Variants in DPY19L1 observed in about 807,000 individuals in gnomAD.
The protein encoded by DPY19L1 is protein C-mannosyl-transferase DPY19L1.
In DPY19L1, 35 loss-of-function variants were observed where a neutral mutation model predicts 96.9. The ratio of observed to expected loss-of-function variants is 0.36; its 90% CI spans 0.28 to 0.48. DPY19L1 has a LOEUF of 0.48. Among genes scored for constraint, DPY19L1 ranks in the 20% least tolerant of loss-of-function variants. The pLI is 0.99. For synonymous variants in DPY19L1, 205 were observed against 252.6 expected (o/e 0.81, Z 1.79); for missense variants, 521 against 777.9 (o/e 0.67, Z 3.93).
chr7:34,937,841 A>T (rs1264417511), intron 21 of DPY19L1, among the ~76,000 whole-genome samples, 153 bp downstream of exon 21: 1 of 152,072 alleles, frequency 6.6e-6, no homozygotes, highest in Non-Finnish European at 1.5e-5. Context: ...CCTGGGCAAC[A>T]GAGTGAGAGC....
intron 14 of DPY19L1, among the ~76,000 whole-genome samples, chr7:34,949,253 G>C (rs1361715262): frequency 2.6e-5 from 4 of 151,984 alleles, no homozygotes; most frequent in Admixed American, 2.6e-4. Context: ...ATCTGTTTAT[G>C]GCATGCTACT....
intron 16 of DPY19L1, among the ~76,000 whole-genome samples, chr7:34,943,940 A>G (rs1229607369): frequency 6.6e-6 from 1 of 152,212 alleles, no homozygotes; most frequent in Non-Finnish European, 1.5e-5. Context: ...ATATACCTGT[A>G]TATGTTACAG....
intron 4 of DPY19L1, among the ~76,000 whole-genome samples, chr7:35,012,323 T>C (rs1434688845): frequency 6.6e-6 from 1 of 152,184 alleles, no homozygotes. Flanking sequence ...TACCTCATTC[T>C]GCTTCATTCA....
In DPY19L1 at chr7:34,970,837, C is replaced by T. The variant is rs186466879; in HGVS notation, c.915-1305G>A. On this transcript the variant is annotated intron_variant, in intron 8 of 21. Transcript: ENST00000638088. ...AACAGAAATGGAAACATAAATATTGCCAAGAATGAAAAAAAAAAAAAAAGC... is the reference window on the plus strand; with the variant it reads ...AACAGAAATGGAAACATAAATATTGTCAAGAATGAAAAAAAAAAAAAAAGC... Among the ~76,000 whole-genome samples, 888 of 137,834 alleles carry T rather than the reference C, an allele frequency of 6.4e-3. 6 individuals are homozygous for T. The highest frequency in any genetic ancestry group is 0.023 in the African/African-American group (829 of 36,146). The allele number at this position is 137,834 out of a possible 152,430, so 90.4% of individuals were successfully genotyped here. A position where few individuals can be genotyped will look rare whatever the true frequency, so the allele number is the denominator to read the frequency against.
intron 6 of DPY19L1, among the ~76,000 whole-genome samples, chr7:35,008,839 C>T (rs1785632526): frequency 6.6e-6 from 1 of 152,184 alleles, no homozygotes; most frequent in Non-Finnish European, 1.5e-5. Flanking sequence ...ATGGGCAGTA[C>T]TCAGCAAAAT....
At chr7:35,025,055 A>G (rs1028282329) in intron 1 of DPY19L1, among the ~76,000 whole-genome samples, 4 of 152,232 alleles carry the variant, frequency 2.6e-5, no homozygotes, top group Non-Finnish European at 5.9e-5. Context: ...CATGAAGGTA[A>G]ATATCTATTT....
At chr7:34,971,301 A>T (rs1312269818) in intron 8 of DPY19L1, among the ~76,000 whole-genome samples, 2 of 152,176 alleles carry the variant, frequency 1.3e-5, no homozygotes, top group Non-Finnish European at 2.9e-5. Flanking sequence ...TCAAGAAAGG[A>T]GGTTTAGCAG....
chr7:34,944,960 C>T (rs921415764), intron 16 of DPY19L1, among the ~76,000 whole-genome samples: 1 of 152,174 alleles, frequency 6.6e-6, no homozygotes, highest in African/African-American at 2.4e-5. Flanking sequence ...ACCTGAATGG[C>T]TTTACCATAG....
At chr7:34,954,651 T>G in intron 13 of DPY19L1, 47 bp downstream of exon 13, 1 of 1,122,622 alleles carries the variant, frequency 8.9e-7, no homozygotes, top group Non-Finnish European at 1.3e-6. Context: ...TCTTAGCCTA[T>G]TCGATTCTTT....
At position 34,954,731 on chromosome 7, in the gene DPY19L1, G is replaced by A; in HGVS notation, c.1287C>T (p.Tyr429=). 6.4e-7 allele frequency: 1 copy of A among 1,565,568 alleles called. No homozygotes were observed. Among genetic ancestry groups the A allele is most frequent in the Non-Finnish European group, 8.7e-7 (1 of 1,149,340 alleles). ...CAATACCAAAAATTTTAGATGTCAA[G>A]TATTTAAGTATGACAGTTCCAAATA... ...FWLFGTVILK[Y]LTSKIFGIAD... The change falls in exon 13 of 22, where the codon TAC becomes TAT. Residue 429 remains tyrosine (Y), a synonymous_variant. Coordinates refer to ENST00000638088, the MANE Select transcript of DPY19L1 (RefSeq NM_001366673.1).
chr7:34,949,791 T>C lies in DPY19L1; in HGVS notation c.1422+6A>G, dbSNP rs1292395100. ...TTAGGAAACAGAACTAGAAATCACATCTTACCTCTTTTTCCATAAAGTCAA... is the reference window on the plus strand; with the variant it reads ...TTAGGAAACAGAACTAGAAATCACACCTTACCTCTTTTTCCATAAAGTCAA... On this transcript the variant is annotated splice_donor_region_variant and intron_variant, in intron 14 of 21. Transcript: ENST00000638088. 1.9e-6 allele frequency: 3 copies of C among 1,565,790 alleles called. No homozygotes were observed. The highest frequency in any genetic ancestry group is 2.6e-6 in the Non-Finnish European group (3 of 1,142,732).
At chr7:34,981,710 GGA>G (rs1333751080) in intron 7 of DPY19L1, among the ~76,000 whole-genome samples, 5 of 152,178 alleles carry the variant, frequency 3.3e-5, no homozygotes, top group South Asian at 4.1e-4. Context: ...CAACACTTTG[GGA>G]GGCTGAGGCA....
intron 21 of DPY19L1, among the ~76,000 whole-genome samples, chr7:34,932,477 A>G (rs1783774375): frequency 6.6e-6 from 1 of 152,226 alleles, no homozygotes; most frequent in African/African-American, 2.4e-5. Flanking sequence ...GAATGGTTGT[A>G]TGGGTATTTG....
chr7:34,994,490 A>G (rs1016242114), intron 6 of DPY19L1, among the ~76,000 whole-genome samples: 3 of 152,190 alleles, frequency 2.0e-5, no homozygotes, highest in Non-Finnish European at 4.4e-5. Context: ...GTAAAGGTAG[A>G]GAAAGAACAA....
At chr7:34,947,554 C>T (rs1784175311) in intron 15 of DPY19L1, 76 bp downstream of exon 15, 3 of 1,254,146 alleles carry the variant, frequency 2.4e-6, no homozygotes, top group Non-Finnish European at 3.4e-6. Context: ...ATAAATGTGG[C>T]CAAGTATATG....
chr7:34,968,646 TGTA>T (rs1784659214), intron 9 of DPY19L1, among the ~76,000 whole-genome samples: 1 of 151,744 alleles, frequency 6.6e-6, no homozygotes, highest in Non-Finnish European at 1.5e-5. Context: ...GGCACGTGCC[TGTA>T]GTTCCAGCTA....
intron 7 of DPY19L1, among the ~76,000 whole-genome samples, chr7:34,979,728 AT>A (rs1462831321): frequency 3.3e-5 from 5 of 152,168 alleles, no homozygotes; most frequent in African/African-American, 1.2e-4. Context: ...ATATCTAGAG[AT>A]TAATAAAATA....
At chr7:35,037,566 C>A (rs1009227223), upstream of DPY19L1, 2 of 300,488 alleles carry the variant, frequency 6.7e-6, no homozygotes, top group Non-Finnish European at 1.2e-5. Flanking sequence ...GGAGGCCGGG[C>A]GGCTGCTGCC....
chr7:35,007,752 ACT>A (rs1785596884), intron 6 of DPY19L1, among the ~76,000 whole-genome samples: 1 of 151,878 alleles, frequency 6.6e-6, no homozygotes, highest in South Asian at 2.1e-4. Context: ...CAATTTTAAA[ACT>A]CTCTAATAAG....
Sources: allele counts gnomAD v4.1 joint callset (sites outside exome capture counted in the v4.1 genomes callset), GRCh38; gene constraint gnomAD v4.1.1; transcripts MANE v1.5; gene names NCBI Gene and HGNC (gene_info 2026-07-23, HGNC 2026-07-21).